The following MAGI1 variants were observed in gnomAD, a reference collection of about 807,000 sequenced individuals.
The protein encoded by MAGI1 is membrane-associated guanylate kinase, WW and PDZ domain-containing protein 1.
Under a neutral mutation model 139.9 loss-of-function variants are expected in MAGI1, and 58 were observed. The observed-to-expected ratio is 0.41, with a 90% CI of 0.34 to 0.52. MAGI1 has a LOEUF of 0.52. Among genes scored for constraint, MAGI1 ranks in the 20% least tolerant of loss-of-function variants. The pLI is 0.12. For synonymous variants in MAGI1, 812 were observed against 737.9 expected (o/e 1.10, Z -1.63); for missense variants, 1,874 against 1,901.6 (o/e 0.99, Z 0.27).
At chr3:65,523,493 A>G (rs560298649) in intron 2 of MAGI1, among the ~76,000 whole-genome samples, 1 of 152,288 alleles carries the variant, frequency 6.6e-6, no homozygotes, top group East Asian at 1.9e-4. Flanking sequence ...AGAAAGTTAA[A>G]GAGTAGTGTT....
intron 1 of MAGI1, among the ~76,000 whole-genome samples, chr3:65,775,070 C>A (rs2038261586): frequency 6.6e-6 from 1 of 152,124 alleles, no homozygotes; most frequent in South Asian, 2.1e-4. Context: ...ACCCAAAGAG[C>A]CACATGAATG....
chr3:65,978,079 T>C (rs1421345101), intron 1 of MAGI1, among the ~76,000 whole-genome samples: 3 of 152,250 alleles, frequency 2.0e-5, no homozygotes, highest in Non-Finnish European at 4.4e-5. Context: ...ACGTGCCATA[T>C]GTGTGCACAC....
At chr3:65,851,085 G>C (rs1297970457) in intron 1 of MAGI1, among the ~76,000 whole-genome samples, 1 of 151,870 alleles carries the variant, frequency 6.6e-6, no homozygotes, top group African/African-American at 2.4e-5. Context: ...TCAGCTGGGG[G>C]ACAAGAGCGA....
intron 2 of MAGI1, among the ~76,000 whole-genome samples, chr3:65,507,232 T>C (rs925936133): frequency 2.0e-5 from 3 of 152,204 alleles, no homozygotes; most frequent in African/African-American, 7.2e-5. Flanking sequence ...TTGAAGCAGG[T>C]CTACAGAGTA....
At chr3:65,374,671 C>T (rs1397062867) in intron 18 of MAGI1, among the ~76,000 whole-genome samples, 3 of 152,086 alleles carry the variant, frequency 2.0e-5, no homozygotes, top group Non-Finnish European at 4.4e-5. Context: ...GTATTTTGTG[C>T]TGGGTAACTT....
intron 1 of MAGI1, among the ~76,000 whole-genome samples, chr3:65,941,413 T>A (rs1348981825): frequency 1.3e-5 from 2 of 152,054 alleles, no homozygotes; most frequent in South Asian, 2.1e-4. Context: ...CAAAACGGCA[T>A]CAGATTGCTC....
intron 1 of MAGI1, among the ~76,000 whole-genome samples, chr3:65,624,916 A>G (rs1278730543): frequency 6.6e-6 from 1 of 152,194 alleles, no homozygotes; most frequent in Non-Finnish European, 1.5e-5. Flanking sequence ...TCTGTTGCCC[A>G]GGCTTGTGTG....
At chr3:65,927,452 C>T (rs1285553054) in intron 1 of MAGI1, among the ~76,000 whole-genome samples, 10 of 152,184 alleles carry the variant, frequency 6.6e-5, no homozygotes, top group Admixed American at 6.5e-4. Flanking sequence ...CCATTTAATG[C>T]CACAAGTGTG....
chr3:65,741,022 G>GA (rs1443046025), intron 1 of MAGI1, among the ~76,000 whole-genome samples: 3 of 152,126 alleles, frequency 2.0e-5, no homozygotes, highest in Non-Finnish European at 4.4e-5. Context: ...ATAGTGAGAA[G>GA]AGTTTAATGC....
At chr3:65,485,884 C>T (rs1437289496) in intron 3 of MAGI1, among the ~76,000 whole-genome samples, 1 of 152,202 alleles carries the variant, frequency 6.6e-6, no homozygotes, top group Non-Finnish European at 1.5e-5. Flanking sequence ...ATTTGGGGAT[C>T]TCTAAGCAGG....
At chr3:65,516,381 T>C (rs969127372) in intron 2 of MAGI1, among the ~76,000 whole-genome samples, 1 of 152,060 alleles carries the variant, frequency 6.6e-6, no homozygotes, top group Non-Finnish European at 1.5e-5. Flanking sequence ...GGTTTCACCA[T>C]GTTGGCCAGG....
intron 1 of MAGI1, among the ~76,000 whole-genome samples, chr3:65,732,429 G>A (rs10222644): frequency 0.054 from 8,206 of 152,224 alleles, 737 homozygotes; most frequent in African/African-American, 0.18. Flanking sequence ...AGGATTAGCT[G>A]TGCGAGAAAG....
intron 1 of MAGI1, among the ~76,000 whole-genome samples, chr3:65,646,008 T>C (rs2085239403): frequency 6.6e-6 from 1 of 151,132 alleles, no homozygotes; most frequent in South Asian, 2.1e-4. Flanking sequence ...ACAGAATAAA[T>C]GAAAAATAAA....
In MAGI1 at chr3:66,036,390, T is replaced by C. The variant is rs539176916; in HGVS notation, c.313+1606A>G. Among the ~76,000 whole-genome samples, 20 of 152,124 alleles carry C rather than the reference T, an allele frequency of 1.3e-4. No homozygotes were observed. The South Asian group carries it at 2.9e-3, about 22-fold the overall frequency. On this transcript the variant is annotated intron_variant, in intron 1 of 22. Coordinates refer to ENST00000402939, the MANE Select transcript of MAGI1 (RefSeq NM_001033057.2). ...GAGGTATGCCAGGAATGAGGCACAA[T>C]CTCTCCCTTTAATGAGCTCACTACC...
At chr3:65,522,090 C>G (rs2078190153) in intron 2 of MAGI1, among the ~76,000 whole-genome samples, 1 of 152,034 alleles carries the variant, frequency 6.6e-6, no homozygotes, top group South Asian at 2.1e-4. Context: ...TGGCCTTCAC[C>G]AAGAGCAGTA....
chr3:65,713,558 T>C (rs2107658494), intron 1 of MAGI1, among the ~76,000 whole-genome samples: 1 of 152,212 alleles, frequency 6.6e-6, no homozygotes, highest in East Asian at 1.9e-4. Context: ...GCCCCAACAA[T>C]TTTTGAGAAC....
chr3:65,528,255 T>A (rs1324967145), intron 2 of MAGI1, among the ~76,000 whole-genome samples: 3 of 152,238 alleles, frequency 2.0e-5, no homozygotes, highest in African/African-American at 7.2e-5. Flanking sequence ...CAAATTGATA[T>A]AACATTGCAA....
chr3:65,890,227 T>C (rs1318866589), intron 1 of MAGI1, among the ~76,000 whole-genome samples: 1 of 152,040 alleles, frequency 6.6e-6, no homozygotes, highest in East Asian at 1.9e-4. Context: ...TAGCCGGGCG[T>C]GGTGGCGGGC....
chr3:65,843,570 C>T (rs1305475923), intron 1 of MAGI1, among the ~76,000 whole-genome samples: 1 of 152,192 alleles, frequency 6.6e-6, no homozygotes, highest in Admixed American at 6.5e-5. Context: ...CAGACTTCCA[C>T]AGCCAAGATT....
Sources: allele counts gnomAD v4.1 joint callset (sites outside exome capture counted in the v4.1 genomes callset), GRCh38; gene constraint gnomAD v4.1.1; transcripts MANE v1.5; gene names NCBI Gene and HGNC (gene_info 2026-07-23, HGNC 2026-07-21).